The following MGLL variants were observed in gnomAD, a reference collection of about 807,000 sequenced individuals.
The protein encoded by MGLL is lysophospholipase homolog.
Under a neutral mutation model 29.1 loss-of-function variants are expected in MGLL, and 7 were observed. The ratio of observed to expected loss-of-function variants is 0.24; its 90% CI spans 0.14 to 0.45. The LOEUF (loss-of-function observed/expected upper bound fraction) is 0.45, where lower values mean the gene tolerates loss of function less well. Ranked by LOEUF, MGLL falls within the 20% of genes least tolerant of loss-of-function variation. The pLI, the probability that MGLL is intolerant of heterozygous loss-of-function variation, is 0.99. For missense variants in MGLL, 356 were observed against 413.6 expected, an observed-to-expected ratio of 0.86 and a Z score of 1.21; for synonymous variants, 148 against 168.3, an observed-to-expected ratio of 0.88 and a Z score of 0.93.
intron 2 of MGLL, 96 bp from the exon 3 acceptor site, chr3:127,781,991 C>A: frequency 8.8e-7 from 1 of 1,133,372 alleles, no homozygotes; most frequent in Non-Finnish European, 1.3e-6. Context: ...GAGGCCGGGG[C>A]GGGCGGATTG....
chr3:127,720,938 A>G, intron 5 of MGLL, 115 bp downstream of exon 5: 1 of 873,890 alleles, frequency 1.1e-6, no homozygotes, highest in Non-Finnish European at 1.9e-6. Flanking sequence ...CTCACGCAAT[A>G]GTGTCTGAGG....
intron 7 of MGLL, 115 bp from the exon 8 acceptor site, chr3:127,692,438 C>T (rs1291980028): frequency 2.9e-6 from 4 of 1,362,658 alleles, no homozygotes; most frequent in Middle Eastern, 2.2e-4. Flanking sequence ...TCTCCCTATG[C>T]CCGAGGACCT....
chr3:127,717,427 C>T (rs2075836856), intron 5 of MGLL, among the ~76,000 whole-genome samples: 4 of 152,220 alleles, frequency 2.6e-5, no homozygotes, highest in Admixed American at 2.6e-4. Flanking sequence ...GGCCTCATTT[C>T]CTTGTCTGTA....
rs556612266 is a variant in MGLL at position 127,703,194 on chromosome 3, C to G, written c.600+7382G>C. 5.3e-5 allele frequency among the ~76,000 whole-genome samples: 8 copies of G among 152,248 alleles called. No homozygotes were observed. In the East Asian group the frequency reaches 1.5e-3, roughly 29 times the overall value. On this transcript the variant is annotated intron_variant, in intron 6 of 7. Coordinates refer to ENST00000265052, the MANE Select transcript of MGLL (RefSeq NM_007283.7). ...TCTTTCTGTCCTTTGGAATGGAGGG[C>G]CCTGGAATGTGGCTCTGAACACAGA...
At chr3:127,739,988 G>A (rs1340759416) in intron 3 of MGLL, among the ~76,000 whole-genome samples, 1 of 152,312 alleles carries the variant, frequency 6.6e-6, no homozygotes, top group East Asian at 1.9e-4. Flanking sequence ...CCTTGCCTGT[G>A]TGGGAGCCCG....
At chr3:127,805,894 C>A (rs2077556849) in intron 2 of MGLL, among the ~76,000 whole-genome samples, 1 of 152,222 alleles carries the variant, frequency 6.6e-6, no homozygotes, top group South Asian at 2.1e-4. Context: ...TTTCCTGCCC[C>A]TTTCCAAAGG....
At chr3:127,704,781 A>T (rs1168630796) in intron 6 of MGLL, among the ~76,000 whole-genome samples, 1 of 152,248 alleles carries the variant, frequency 6.6e-6, no homozygotes, top group East Asian at 1.9e-4. Context: ...GAACACTTTT[A>T]CATTGTTGGT....
intron 2 of MGLL, among the ~76,000 whole-genome samples, chr3:127,785,308 C>T (rs753928126): frequency 5.3e-5 from 8 of 152,210 alleles, no homozygotes; most frequent in African/African-American, 9.6e-5. Context: ...CCTGTTGCCA[C>T]GAATACAGCT....
intron 3 of MGLL, among the ~76,000 whole-genome samples, chr3:127,746,824 C>T (rs750393595): frequency 4.8e-4 from 73 of 152,114 alleles, no homozygotes; most frequent in Admixed American, 2.9e-3. Context: ...CTCCCTCCAG[C>T]CCAGTGCATT....
In MGLL at chr3:127,702,893, C is replaced by T. The variant is rs149174794; in HGVS notation, c.600+7683G>A. 6.4e-4 allele frequency among the ~76,000 whole-genome samples: 97 copies of T among 152,278 alleles called. 1 individual carries two copies. In the East Asian group the frequency reaches 0.018, roughly 28 times the overall value. On this transcript the variant is annotated intron_variant, in intron 6 of 7. Coordinates refer to ENST00000265052, the MANE Select transcript of MGLL (RefSeq NM_007283.7). ...TATTTTTAATAAAGACGGGGTTTCA[C>T]CATGTTGGCCAGGCTGGTCTCGAAC...
chr3:127,708,312 G>A (rs572724718), intron 6 of MGLL, among the ~76,000 whole-genome samples: 3 of 152,154 alleles, frequency 2.0e-5, no homozygotes, highest in East Asian at 3.9e-4. Flanking sequence ...GGGGCTGACC[G>A]GCCACCTCCC....
chr3:127,721,518 T>TTTTTG (rs1559922322), intron 4 of MGLL, among the ~76,000 whole-genome samples: 1 of 150,122 alleles, frequency 6.7e-6, no homozygotes. Flanking sequence ...TTTTTTTTTT[T>TTTTTG]TTTTTTTTTT....
intron 2 of MGLL, among the ~76,000 whole-genome samples, chr3:127,794,832 C>A (rs1022130933): frequency 6.6e-6 from 1 of 152,164 alleles, no homozygotes; most frequent in African/African-American, 2.4e-5. Context: ...CTCAGGATAC[C>A]CCCCTCCTTT....
chr3:127,760,271 GAC>G (rs1456454210), intron 3 of MGLL, among the ~76,000 whole-genome samples: 1 of 152,180 alleles, frequency 6.6e-6, no homozygotes, highest in Non-Finnish European at 1.5e-5. Flanking sequence ...GACTGTCCTG[GAC>G]ACACAGGTAT....
intron 2 of MGLL, among the ~76,000 whole-genome samples, chr3:127,801,306 A>C (rs1249568551): frequency 7.1e-6 from 1 of 140,754 alleles, no homozygotes; most frequent in Non-Finnish European, 1.5e-5. Context: ...CCATCTCAAA[A>C]AAAAAAAAAA....
chr3:127,790,905 G>A (rs933099385), intron 2 of MGLL, among the ~76,000 whole-genome samples: 1 of 152,134 alleles, frequency 6.6e-6, no homozygotes, highest in African/African-American at 2.4e-5. Flanking sequence ...GAGTTCCCCC[G>A]TGGGCTGGTG....
intron 3 of MGLL, among the ~76,000 whole-genome samples, chr3:127,726,661 A>G (rs1158128040): frequency 2.0e-5 from 3 of 151,986 alleles, no homozygotes; most frequent in African/African-American, 4.8e-5. Flanking sequence ...CGATCTCCTG[A>G]CCTTGTGATC....
At chr3:127,786,018 TAC>T (rs2077206288) in intron 2 of MGLL, among the ~76,000 whole-genome samples, 1 of 152,176 alleles carries the variant, frequency 6.6e-6, no homozygotes, top group South Asian at 2.1e-4. Context: ...CAGGTGTGCC[TAC>T]TCCAGGCGCA....
At chr3:127,726,681 C>T (rs1324162179) in intron 3 of MGLL, among the ~76,000 whole-genome samples, 1 of 152,284 alleles carries the variant, frequency 6.6e-6, no homozygotes, top group East Asian at 1.9e-4. Flanking sequence ...CCACCCACCT[C>T]AGCCTCCCAA....
Sources: gnomAD v4.1 joint callset for allele counts (sites outside exome capture counted in the v4.1 genomes callset) on GRCh38, gnomAD v4.1.1 for gene constraint, MANE v1.5 for transcripts, NCBI Gene and HGNC (gene_info 2026-07-23, HGNC 2026-07-21) for gene names.